Variants in DNAH9 observed in about 807,000 individuals in gnomAD.
DNAH9 encodes dynein axonemal heavy chain 9.
DNAH9 carries 345 observed loss-of-function variants against 471.6 expected under a neutral mutation model. The observed-to-expected ratio is 0.73, with a 90% confidence interval of 0.67 to 0.80. DNAH9 has a LOEUF of 0.80. Among genes scored for constraint, DNAH9 ranks in the 30% least tolerant of loss-of-function variants. The probability of loss-of-function intolerance (pLI) is 0.00; values close to 1 mark genes in which losing one functional copy is unlikely to be tolerated. For missense variants in DNAH9, 5,407 were observed against 5,609.2 expected (o/e 0.96, Z 1.15); for synonymous variants, 2,093 against 2,123.6 (o/e 0.99, Z 0.40).
At chr17:11,750,311 A>AT (rs1967095634) in intron 32 of DNAH9, among the ~76,000 whole-genome samples, 2 of 152,176 alleles carry the variant, frequency 1.3e-5, no homozygotes, top group Non-Finnish European at 2.9e-5. Context: ...AAGAATACAA[A>AT]TCAACAGGTT....
At chr17:11,794,183 T>G (rs1969164570) in intron 42 of DNAH9, among the ~76,000 whole-genome samples, 1 of 151,714 alleles carries the variant, frequency 6.6e-6, no homozygotes, top group Non-Finnish European at 1.5e-5. Flanking sequence ...TAGCTGGGAC[T>G]ACAGGCACCC....
At chr17:11,699,232 G>A (rs1035027256) in intron 22 of DNAH9, among the ~76,000 whole-genome samples, 22 of 152,234 alleles carry the variant, frequency 1.4e-4, no homozygotes, top group African/African-American at 5.1e-4. Context: ...CTGGGCGACA[G>A]AGCCAGACTC....
intron 26 of DNAH9, among the ~76,000 whole-genome samples, chr17:11,713,004 G>A (rs753459209): frequency 2.6e-5 from 4 of 152,010 alleles, no homozygotes; most frequent in African/African-American, 7.2e-5. Flanking sequence ...CAACACCCAG[G>A]TATTAAGTCC....
chr17:11,644,625 G>A lies in DNAH9; in HGVS notation c.1902-6G>A, dbSNP rs1484508715. The A allele has an allele frequency of 1.1e-5, 18 of 1,600,234 alleles. No homozygotes were observed. Among genetic ancestry groups the A allele is most frequent in the Admixed American group, 3.4e-5 (2 of 59,644 alleles). Reference sequence around the variant, plus strand: ...CTGTGTCACTTTTTCTCTTTTGTACGAGTAGTTGCATGGAATCTGCAGAAG... The same window carrying A: ...CTGTGTCACTTTTTCTCTTTTGTACAAGTAGTTGCATGGAATCTGCAGAAG... On this transcript the variant is annotated splice_region_variant and splice_polypyrimidine_tract_variant and intron_variant, in intron 10 of 68. Transcript: ENST00000262442.
chr17:11,640,352 T>C lies in DNAH9; in HGVS notation c.1869T>C (p.Gly623=). The change falls in exon 10 of 69, where the codon GGT becomes GGC. Residue 623 remains glycine, a synonymous_variant. Transcript: ENST00000262442. ...WAQELRQRIQ[G]PFSNFGRITH... ...AGGAGCTGAGGCAGCGCATCCAGGG[T>C]CCTTTCAGCAACTTTGGACGCATCA... The C allele has an allele frequency of 6.2e-7, 1 of 1,613,870 alleles. No individual in the cohort carries two copies. The highest frequency in any genetic ancestry group is 8.5e-7 in the Non-Finnish European group (1 of 1,179,796).
At chr17:11,829,529 T>C (rs1046020199) in intron 48 of DNAH9, among the ~76,000 whole-genome samples, 1 of 152,222 alleles carries the variant, frequency 6.6e-6, no homozygotes, top group Non-Finnish European at 1.5e-5. Context: ...TGGAGTGCAG[T>C]GGCCTGATCT....
chr17:11,768,987 T>TA (rs1968085126), intron 37 of DNAH9, 135 bp from the exon 38 acceptor site: 1 of 882,808 alleles, frequency 1.1e-6, no homozygotes, highest in Admixed American at 2.1e-5. Context: ...TCAGGGAAGA[T>TA]ACTCCTGACC....
At chr17:11,630,440 A>C (rs950503963) in intron 7 of DNAH9, 1 of 152,338 alleles carries the variant, frequency 6.6e-6, no homozygotes, top group Admixed American at 6.5e-5. Flanking sequence ...TCAAACAAAC[A>C]AACAAACAAA....
At chr17:11,903,269 C>G (rs944413733) in intron 60 of DNAH9, among the ~76,000 whole-genome samples, 1 of 151,780 alleles carries the variant, frequency 6.6e-6, no homozygotes, top group African/African-American at 2.4e-5. Flanking sequence ...ACCCGGGAGG[C>G]AGAGGTTGCA....
intron 67 of DNAH9, among the ~76,000 whole-genome samples, chr17:11,957,260 C>G (rs1433648190): frequency 6.6e-6 from 1 of 152,040 alleles, no homozygotes; most frequent in Non-Finnish European, 1.5e-5. Flanking sequence ...GAATTCATGA[C>G]TTAAAATTTC....
At chr17:11,800,363 C>T (rs1449235285) in intron 43 of DNAH9, among the ~76,000 whole-genome samples, 1 of 150,278 alleles carries the variant, frequency 6.7e-6, no homozygotes, top group Non-Finnish European at 1.5e-5. Flanking sequence ...GTAATTATCT[C>T]CTCTCTCTCT....
chr17:11,940,190 G>A (rs1974855198), intron 66 of DNAH9, among the ~76,000 whole-genome samples: 2 of 152,174 alleles, frequency 1.3e-5, no homozygotes, highest in African/African-American at 2.4e-5. Flanking sequence ...CCGTCCCTTG[G>A]AACCCACTCC....
At position 11,690,293 on chromosome 17, in the gene DNAH9, T is replaced by C. The variant is rs775332497; in HGVS notation, c.4471T>C (p.Phe1491Leu). The C allele has an allele frequency of 1.6e-5, 26 of 1,614,056 alleles. No individual in the cohort carries two copies. The highest frequency in any genetic ancestry group is 1.9e-5 in the Non-Finnish European group (23 of 1,180,046). ...NLVMSKYVAF[F>L]LEEVSGWQKK... is the part of the protein sequence containing the mutation. ...GGTGATGTCCAAGTATGTTGCTTTCTTCTTGGAGGAGGTGTCGGGCTGGCA... is the reference window on the plus strand; with the variant it reads ...GGTGATGTCCAAGTATGTTGCTTTCCTCTTGGAGGAGGTGTCGGGCTGGCA... The change falls in exon 20 of 69, where the codon TTC (phenylalanine) becomes CTC (leucine). Residue 1491 changes from phenylalanine (F) to leucine (L), a missense_variant. Around this residue, in one of 3 missense-constraint regions of DNAH9, gnomAD observed 4,636 missense variants for 4,900.3 expected, o/e 0.95. Transcript: ENST00000262442.
chr17:11,748,070 G>A (rs554313055), intron 32 of DNAH9, among the ~76,000 whole-genome samples: 102 of 147,094 alleles, frequency 6.9e-4, no homozygotes, highest in African/African-American at 2.3e-3. Flanking sequence ...TTTGGGAAGC[G>A]GAGGTGGGTG....
Position 11,744,855 on chromosome 17 carries a change from TG to T in DNAH9, c.6171del (p.Lys2058ArgfsTer13). The T allele has an allele frequency of 6.2e-7, 1 of 1,614,170 alleles. No individual in the cohort carries two copies. The highest frequency in any genetic ancestry group is 1.6e-4 in the Middle Eastern group (1 of 6,062). ...TCCGTGCTGGTGGTGGCAGGATCCC[TG>T]AAGAGAGGAGACCCTGACCGGCCTG... ...IKSVLVVAGS[L>X]KRGDPDRPED... On this transcript the variant is annotated frameshift_variant, in exon 31 of 69. Transcript: ENST00000262442. LOFTEE classifies it high-confidence loss of function.
chr17:11,924,771 G>A (rs964306566), intron 62 of DNAH9, among the ~76,000 whole-genome samples: 2 of 151,698 alleles, frequency 1.3e-5, no homozygotes, highest in Admixed American at 6.6e-5. Flanking sequence ...TTACAGGAGC[G>A]TACCACCACG....
chr17:11,929,079 A>G (rs12150654), intron 62 of DNAH9, among the ~76,000 whole-genome samples: 66,132 of 144,444 alleles, frequency 0.46, 15,470 homozygotes, highest in Middle Eastern at 0.54. Context: ...CTGTCGCCCA[A>G]GCTGGAGTGC....
chr17:11,913,761 G>A (rs867515019), intron 61 of DNAH9, among the ~76,000 whole-genome samples: 10 of 149,698 alleles, frequency 6.7e-5, no homozygotes, highest in Admixed American at 2.7e-4. Context: ...CAGCCTGGGC[G>A]ACAGAGTGAG....
At chr17:11,908,351 T>C (rs1179445157) in intron 61 of DNAH9, among the ~76,000 whole-genome samples, 2 of 152,240 alleles carry the variant, frequency 1.3e-5, no homozygotes, top group South Asian at 2.1e-4. Flanking sequence ...ATGAGACACA[T>C]AGTGAAGTTT....
Sources: gnomAD v4.1 joint callset for allele counts (sites outside exome capture counted in the v4.1 genomes callset) on GRCh38, gnomAD v4.1.1 for gene constraint, gnomAD v4.1.1 regional missense constraint, MANE v1.5 for transcripts, NCBI Gene and HGNC (gene_info 2026-07-23, HGNC 2026-07-21) for gene names.